The following GPHN variants were observed in gnomAD, a reference collection of about 807,000 sequenced individuals.
GPHN encodes the protein gephyrin.
A neutral mutation model predicts 95.5 loss-of-function variants in GPHN; 17 were observed. The observed-to-expected ratio is 0.18, with a 90% CI of 0.12 to 0.27. The LOEUF is 0.27. Ranked by LOEUF, GPHN falls within the 10% of genes least tolerant of loss-of-function variation. The pLI is 1.00. For missense variants in GPHN, 660 were observed against 978.1 expected (o/e 0.67, Z 4.34); for synonymous variants, 320 against 322.5 (o/e 0.99, Z 0.08).
chr14:67,642,793 CTTTTTTTTTTTTTT>C, the GPHN span, among the ~76,000 whole-genome samples: 7 of 75,518 alleles, frequency 9.3e-5, no homozygotes, highest in Admixed American at 2.2e-4. Context: ...ACTACATTTT[CTTTTTTTTTTTTTT>C]TTTTTTTTTT....
chr14:67,568,090 C>G, the GPHN span, among the ~76,000 whole-genome samples: 1 of 152,172 alleles, frequency 6.6e-6, no homozygotes, highest in African/African-American at 2.4e-5. Context: ...GCCCTGAAGC[C>G]TAGCCATGAT....
the GPHN span, among the ~76,000 whole-genome samples, chr14:67,419,709 C>T: frequency 2.6e-3 from 400 of 152,198 alleles, 15 homozygotes; most frequent in East Asian, 0.063. Flanking sequence ...ATTAGCCGGG[C>T]GTGGTGGCGG....
intron 2 of GPHN, among the ~76,000 whole-genome samples, chr14:66,746,676 T>A: frequency 6.6e-6 from 1 of 151,982 alleles, no homozygotes; most frequent in East Asian, 1.9e-4. Flanking sequence ...TTTTTTTTGT[T>A]ATTGTTGTTC....
chr14:67,572,775 C>G, the GPHN span, among the ~76,000 whole-genome samples: 2 of 152,144 alleles, frequency 1.3e-5, no homozygotes, highest in Admixed American at 6.5e-5. Context: ...TTCCGCATCC[C>G]TCGCCCCACA....
At chr14:67,260,982 A>T in the GPHN span, among the ~76,000 whole-genome samples, 3 of 152,152 alleles carry the variant, frequency 2.0e-5, no homozygotes, top group African/African-American at 7.2e-5. Context: ...AATGCCCTGG[A>T]GTCAAGCAGA....
intron 18 of GPHN, among the ~76,000 whole-genome samples, chr14:67,158,901 T>C (rs1041593063): frequency 5.3e-5 from 8 of 152,206 alleles, no homozygotes; most frequent in Non-Finnish European, 7.3e-5. Context: ...TCTGTGGGCA[T>C]ATGTTCAAGT....
the GPHN span, among the ~76,000 whole-genome samples, chr14:67,296,901 C>T: frequency 6.6e-6 from 1 of 152,100 alleles, no homozygotes; most frequent in African/African-American, 2.4e-5. Flanking sequence ...ACAATCCTTC[C>T]ATCTCAGCCT....
the GPHN span, among the ~76,000 whole-genome samples, chr14:67,666,184 T>C: frequency 6.6e-6 from 1 of 152,182 alleles, no homozygotes; most frequent in South Asian, 2.1e-4. Flanking sequence ...TCCTAGCTCC[T>C]TCCTTTCCTA....
the GPHN span, among the ~76,000 whole-genome samples, chr14:67,709,314 A>G: frequency 6.6e-6 from 1 of 152,354 alleles, no homozygotes; most frequent in East Asian, 1.9e-4. Flanking sequence ...TAATTTTCCA[A>G]ACAATAAGCC....
the GPHN span, among the ~76,000 whole-genome samples, chr14:67,307,954 A>G: frequency 6.6e-6 from 1 of 152,158 alleles, no homozygotes; most frequent in Non-Finnish European, 1.5e-5. Flanking sequence ...GTTGGAGGCC[A>G]TTGTCCTTAG....
At chr14:67,164,190 C>T (rs2082130522) in intron 19 of GPHN, among the ~76,000 whole-genome samples, 1 of 149,806 alleles carries the variant, frequency 6.7e-6, no homozygotes, top group South Asian at 2.1e-4. Context: ...ATCACTTGAA[C>T]CCGGGAGGCG....
At chr14:66,877,866 A>C (rs8020144) in intron 4 of GPHN, among the ~76,000 whole-genome samples, 7 of 152,010 alleles carry the variant, frequency 4.6e-5, no homozygotes, top group African/African-American at 1.7e-4. Flanking sequence ...TCTTCACAGA[A>C]TCAGAAAAAA....
intron 5 of GPHN, among the ~76,000 whole-genome samples, chr14:66,905,969 T>C (rs978428637): frequency 2.6e-5 from 4 of 151,778 alleles, no homozygotes; most frequent in African/African-American, 9.7e-5. Flanking sequence ...CTTTATTCAA[T>C]TCAGGATATA....
At chr14:67,146,380 ATAGT>A (rs953660500) in intron 18 of GPHN, among the ~76,000 whole-genome samples, 1 of 152,236 alleles carries the variant, frequency 6.6e-6, no homozygotes, top group African/African-American at 2.4e-5. Context: ...AGCTTGTTAA[ATAGT>A]TAAACAGTAT....
chr14:67,614,108 T>A, the GPHN span, among the ~76,000 whole-genome samples: 1 of 152,046 alleles, frequency 6.6e-6, no homozygotes, highest in African/African-American at 2.4e-5. Context: ...GCTAATTTTG[T>A]TTATTTTTTG....
At chr14:67,444,712 G>T in the GPHN span, among the ~76,000 whole-genome samples, 1 of 152,182 alleles carries the variant, frequency 6.6e-6, no homozygotes, top group African/African-American at 2.4e-5. Flanking sequence ...TCAGTCCTCT[G>T]TCCTGACCTC....
chr14:67,124,500 C>A (rs187152517), intron 17 of GPHN, among the ~76,000 whole-genome samples: 36 of 152,312 alleles, frequency 2.4e-4, no homozygotes, highest in Admixed American at 1.5e-3. Context: ...AGTAACCTAT[C>A]CTTTAAGATA....
At chr14:67,502,230 CT>C in the GPHN span, among the ~76,000 whole-genome samples, 3 of 151,722 alleles carry the variant, frequency 2.0e-5, no homozygotes, top group Non-Finnish European at 4.4e-5. Flanking sequence ...ACTCGGGAGG[CT>C]GAGGCAGGAG....
the GPHN span, among the ~76,000 whole-genome samples, chr14:67,713,984 T>C: frequency 2.0e-5 from 3 of 152,186 alleles, no homozygotes; most frequent in Non-Finnish European, 4.4e-5. Context: ...TGACTTTGAA[T>C]AGAATGGGAG....
Sources: gnomAD v4.1 joint callset for allele counts (sites outside exome capture counted in the v4.1 genomes callset) on GRCh38, gnomAD v4.1.1 for gene constraint, MANE v1.5 for transcripts, NCBI Gene and HGNC (gene_info 2026-07-23, HGNC 2026-07-21) for gene names.